The following DTX3 variants were observed in gnomAD, a reference collection of about 807,000 sequenced individuals.
DTX3 encodes deltex E3 ubiquitin ligase 3, also known as E3 ubiquitin-protein ligase DTX3.
A neutral mutation model predicts 27.4 loss-of-function variants in DTX3; 10 were observed. The observed-to-expected ratio is 0.36, with a 90% CI of 0.22 to 0.62. The LOEUF (loss-of-function observed/expected upper bound fraction) is 0.62, where lower values mean the gene tolerates loss of function less well. Among genes scored for constraint, DTX3 ranks in the 20% least tolerant of loss-of-function variants. The probability of loss-of-function intolerance (pLI) is 0.68; values close to 1 mark genes in which losing one functional copy is unlikely to be tolerated. For missense variants in DTX3, 319 were observed against 463.8 expected (o/e 0.69, Z 2.87); for synonymous variants, 171 against 190.7 (o/e 0.90, Z 0.85).
rs1380799304 is a variant in DTX3 at position 57,607,288 on chromosome 12, C to T, written c.425C>T (p.Pro142Leu). Residue 142 changes from proline to leucine, a missense_variant, in exon 5 of 7, where the codon CCT (proline) becomes CTT (leucine). Around this residue, in one of 2 missense-constraint regions of DTX3, gnomAD observed 202 missense variants for 205.3 expected, o/e 0.98. Coordinates refer to ENST00000337737, the MANE Select transcript of DTX3 (RefSeq NM_178502.4). This position sits in a 1 kb window ranked among gnomAD's most constrained non-coding sequence, Gnocchi z 7.7. ...PPGARGLPPP[P>L]PPLPPPLPPR... ...GGAGCTCGGGGGCTCCCCCCTCCTC[C>T]TCCCCCCCTGCCCCCACCTCTTCCT... The T allele has an allele frequency of 8.9e-6, 14 of 1,569,012 alleles. No individual in the cohort carries two copies. The highest frequency in any genetic ancestry group is 2.3e-5 in the East Asian group (1 of 42,624).
rs772737521 is a variant in DTX3, at chr12:57,608,038, T to A, written c.750+425T>A. On this transcript the variant is annotated intron_variant, in intron 5 of 6. Coordinates refer to ENST00000337737, the MANE Select transcript of DTX3 (RefSeq NM_178502.4). The surrounding 1 kb of genome is among the most constrained non-coding windows in gnomAD (Gnocchi z 6.1). The stretch of plus-strand genomic sequence containing the variant: ...AACAGGAGTAGTCAAGGCCTATAGG[T>A]GTCTTCCTGCTGGACAAAGAGTAAT... Among the ~76,000 whole-genome samples the A allele has an allele frequency of 6.6e-6, 1 of 152,112 alleles. No homozygotes were observed. Among genetic ancestry groups the A allele is most frequent in the Non-Finnish European group, 1.5e-5 (1 of 68,028 alleles).
intron 1 of DTX3, 36 bp downstream of exon 1, chr12:57,604,894 G>T (rs1034756646): frequency 6.6e-6 from 1 of 151,486 alleles, no homozygotes; most frequent in Non-Finnish European, 1.5e-5. Context: ...CCCACCGCGC[G>T]CCCCCCGGGC....
At position 57,607,052 on chromosome 12, in the gene DTX3, C is replaced by T. The variant is rs1249172060; in HGVS notation, c.189C>T (p.Ser63=). The T allele has an allele frequency of 6.2e-7, 1 of 1,614,208 alleles. No homozygotes were observed. The highest frequency in any genetic ancestry group is 8.5e-7 in the Non-Finnish European group (1 of 1,180,032). The change falls in exon 5 of 7, where the codon TCC becomes TCT. Residue 63 remains serine (S), a synonymous_variant. Transcript: ENST00000337737. This position sits in a 1 kb window ranked among gnomAD's most constrained non-coding sequence, Gnocchi z 7.7. ...CTGACATCTATGTTCTCCAGCTTTC[C>T]CCACAGGGTCCTCCCCCGGCCCCTC... ...ETSDIYVLQL[S]PQGPPPAPPN...
rs1883857988 is a variant in DTX3 at position 57,608,641 on chromosome 12, C to T, written c.872C>T (p.Thr291Ile). Residue 291 changes from threonine to isoleucine, a missense_variant, in exon 6 of 7, where the codon ACC becomes ATC. This residue lies in a region of DTX3 where 117 missense variants were observed against 258.5 expected (regional missense o/e 0.45). Coordinates refer to ENST00000337737, the MANE Select transcript of DTX3 (RefSeq NM_178502.4). The surrounding 1 kb of genome is among the most constrained non-coding windows in gnomAD (Gnocchi z 6.1). Reference protein sequence around the residue: ...LFRKAFDQRLTFTIGTSMTTG... With the variant: ...LFRKAFDQRLIFTIGTSMTTG... Reference sequence around the variant, plus strand: ...CGCAAGGCGTTTGACCAGCGTCTCACCTTCACTATCGGCACGTCCATGACC... The same window carrying T: ...CGCAAGGCGTTTGACCAGCGTCTCATCTTCACTATCGGCACGTCCATGACC... 9 of 1,614,222 alleles carry T rather than the reference C, an allele frequency of 5.6e-6. No homozygotes were observed. The highest frequency in any genetic ancestry group is 1.6e-4 in the Middle Eastern group (1 of 6,062).
chr12:57,605,806 G>A (rs1883692813), intron 2 of DTX3, 75 bp downstream of exon 2: 1 of 152,330 alleles, frequency 6.6e-6, no homozygotes, highest in Non-Finnish European at 1.5e-5. Flanking sequence ...CAGCAGAAGG[G>A]ACTGAGTTAG....
In DTX3 at chr12:57,607,184, T is replaced by C; in HGVS notation, c.321T>C (p.Ala107=). 6.2e-7 allele frequency: 1 copy of C among 1,613,610 alleles called. No homozygotes were observed. Among genetic ancestry groups the C allele is most frequent in the Non-Finnish European group, 8.5e-7 (1 of 1,180,000 alleles). ...QRQGELMGCL[A]LGGGGEHPEM... is the part of the protein sequence containing the mutation. ...AGGGGGAGCTGATGGGCTGCCTGGC[T>C]CTGGGGGGTGGAGGGGAGCACCCTG... The change falls in exon 5 of 7, where the codon GCT becomes GCC. Residue 107 remains alanine, a synonymous_variant. Coordinates refer to ENST00000337737, the MANE Select transcript of DTX3 (RefSeq NM_178502.4). This position sits in a 1 kb window ranked among gnomAD's most constrained non-coding sequence, Gnocchi z 7.7.
chr12:57,607,625 A>ATT lies in DTX3; in HGVS notation c.750+13_750+14insTT, dbSNP rs1426212663. 22 of 1,613,918 alleles carry ATT rather than the reference A, an allele frequency of 1.4e-5. No homozygotes were observed. The highest frequency in any genetic ancestry group is 1.9e-5 in the Non-Finnish European group (22 of 1,180,008). ...CCGGTGTCCAGGGGGTAAGAAGACC[A>ATT]TGGCCTGCCCTTACCCTTTGGCTTT... On this transcript the variant is annotated intron_variant, in intron 5 of 6. Coordinates refer to ENST00000337737, the MANE Select transcript of DTX3 (RefSeq NM_178502.4). The surrounding 1 kb of genome is among the most constrained non-coding windows in gnomAD (Gnocchi z 7.7).
In DTX3 at chr12:57,607,283, T is replaced by G; in HGVS notation, c.420T>G (p.Pro140=). 2.4e-6 allele frequency: 1 copy of G among 415,178 alleles called. No homozygotes were observed. The highest frequency in any genetic ancestry group is 3.7e-6 in the Non-Finnish European group (1 of 271,518). 25.7% of individuals were successfully genotyped at this position (415,178 alleles called of 1,614,324 possible). Reference sequence around the variant, plus strand: ...CCCCAGGAGCTCGGGGGCTCCCCCCTCCTCCTCCCCCCCTGCCCCCACCTC... The same window carrying G: ...CCCCAGGAGCTCGGGGGCTCCCCCCGCCTCCTCCCCCCCTGCCCCCACCTC... ...LLPPGARGLP[P]PPPPLPPPLP... Residue 140 remains proline (P), a synonymous_variant, in exon 5 of 7, where the codon CCT becomes CCG. Coordinates refer to ENST00000337737, the MANE Select transcript of DTX3 (RefSeq NM_178502.4). This position sits in a 1 kb window ranked among gnomAD's most constrained non-coding sequence, Gnocchi z 7.7.
Position 57,608,486 on chromosome 12 carries a change from G to T in DTX3, c.751-34G>T, listed in dbSNP as rs898853510. 1 of 1,559,794 alleles carries T rather than the reference G, an allele frequency of 6.4e-7. No homozygotes were observed. On this transcript the variant is annotated intron_variant, in intron 5 of 6. Coordinates refer to ENST00000337737, the MANE Select transcript of DTX3 (RefSeq NM_178502.4). The surrounding 1 kb of genome is among the most constrained non-coding windows in gnomAD (Gnocchi z 6.1). ...CATCTGGGCCTTAGGATGCCTGGCTGCTCACTGCCCACTCTGCTTCACCTT... is the reference window on the plus strand; with the variant it reads ...CATCTGGGCCTTAGGATGCCTGGCTTCTCACTGCCCACTCTGCTTCACCTT...
chr12:57,606,581 G>A lies in DTX3; in HGVS notation c.1+63G>A. 8.8e-6 allele frequency: 14 copies of A among 1,596,368 alleles called. No homozygotes were observed. In the South Asian group the frequency reaches 1.6e-4, roughly 18 times the overall value. ...TTAAACAGCCCATTTTTCCCCAAGA[G>A]GTGGGAGGGGCAAGTTGTTTCTATG... On this transcript the variant is annotated intron_variant, in intron 4 of 6. Coordinates refer to ENST00000337737, the MANE Select transcript of DTX3 (RefSeq NM_178502.4).
rs1420133083 is a variant in DTX3 at position 57,605,166 on chromosome 12, G to C, written c.-300+308G>C. Reference sequence around the variant, plus strand: ...GGTCGGGTCTTGGAGGAGGCCGTGGGGGGAGGGCGGGAGCTGCTTCAGTGG... The same window carrying C: ...GGTCGGGTCTTGGAGGAGGCCGTGGCGGGAGGGCGGGAGCTGCTTCAGTGG... On this transcript the variant is annotated intron_variant, in intron 1 of 6. Coordinates refer to ENST00000337737, the MANE Select transcript of DTX3 (RefSeq NM_178502.4). 4 of 152,492 alleles carry C rather than the reference G, an allele frequency of 2.6e-5. No individual in the cohort carries two copies. The East Asian group carries it at 7.7e-4, about 29-fold the overall frequency. The allele number at this position is 152,492 out of a possible 1,614,324, so 9.4% of individuals were successfully genotyped here. A position where few individuals can be genotyped will look rare whatever the true frequency, so the allele number is the denominator to read the frequency against.
In DTX3 at chr12:57,607,632, G is replaced by C. The variant is rs2140209979; in HGVS notation, c.750+19G>C. 6.2e-7 allele frequency: 1 copy of C among 1,613,894 alleles called. No individual in the cohort carries two copies. Among genetic ancestry groups the C allele is most frequent in the African/African-American group, 1.3e-5 (1 of 75,016 alleles). ...CCAGGGGGTAAGAAGACCATGGCCT[G>C]CCCTTACCCTTTGGCTTTCCCCAAG... On this transcript the variant is annotated intron_variant, in intron 5 of 6. Transcript: ENST00000337737. This position sits in a 1 kb window ranked among gnomAD's most constrained non-coding sequence, Gnocchi z 7.7.
intron 3 of DTX3, 58 bp from the exon 4 acceptor site, chr12:57,606,385 G>T (rs1325899702): frequency 3.6e-6 from 5 of 1,378,680 alleles, no homozygotes; most frequent in Admixed American, 2.1e-5. Flanking sequence ...TGGGTTGGGG[G>T]CCATGGGAAT....
In DTX3 at chr12:57,607,761, G is replaced by A; in HGVS notation, c.750+148G>A. 5.7e-6 allele frequency: 6 copies of A among 1,051,562 alleles called. No homozygotes were observed. The highest frequency in any genetic ancestry group is 8.3e-6 in the Non-Finnish European group (6 of 718,608). 65.1% of individuals were successfully genotyped at this position (1,051,562 alleles called of 1,614,324 possible). On this transcript the variant is annotated intron_variant, in intron 5 of 6. Transcript: ENST00000337737. This position sits in a 1 kb window ranked among gnomAD's most constrained non-coding sequence, Gnocchi z 7.7. ...CCTACTCAGTGCCCTGGACCTAGGAGGTCCCCGTGAGGCCCAGCCTTTCCA... is the reference window on the plus strand; with the variant it reads ...CCTACTCAGTGCCCTGGACCTAGGAAGTCCCCGTGAGGCCCAGCCTTTCCA...
chr12:57,608,579 G>A lies in DTX3; in HGVS notation c.810G>A (p.Pro270=), dbSNP rs368303983. Residue 270 remains proline, a synonymous_variant, in exon 6 of 7, where the codon CCG becomes CCA. Coordinates refer to ENST00000337737, the MANE Select transcript of DTX3 (RefSeq NM_178502.4). This position sits in a 1 kb window ranked among gnomAD's most constrained non-coding sequence, Gnocchi z 6.1. The part of the protein sequence containing the change: ...YPGTTRVAYL[P]DCPEGNKVLT... ...GCACCACACGGGTGGCCTACCTCCC[G>A]GACTGCCCTGAGGGCAACAAGGTGC... 8.4e-5 allele frequency: 135 copies of A among 1,613,802 alleles called. No homozygotes were observed. Among genetic ancestry groups the A allele is most frequent in the South Asian group, 7.8e-4 (71 of 91,070 alleles).
intron 4 of DTX3, 77 bp downstream of exon 4, chr12:57,606,595 G>A (rs703834): frequency 0.98 from 1,551,794 of 1,575,954 alleles, 766,682 homozygotes; most frequent in East Asian, 1. Context: ...GGAGGGGCAA[G>A]TTGTTTCTAT....
chr12:57,607,775 C>G lies in DTX3; in HGVS notation c.750+162C>G, dbSNP rs1412938588. Among the ~76,000 whole-genome samples the G allele has an allele frequency of 6.6e-6, 1 of 152,080 alleles. No homozygotes were observed. The highest frequency in any genetic ancestry group is 1.9e-4 in the East Asian group (1 of 5,202). Reference sequence around the variant, plus strand: ...TGGACCTAGGAGGTCCCCGTGAGGCCCAGCCTTTCCATCCCTGTGATCCCA... The same window carrying G: ...TGGACCTAGGAGGTCCCCGTGAGGCGCAGCCTTTCCATCCCTGTGATCCCA... On this transcript the variant is annotated intron_variant, in intron 5 of 6. Coordinates refer to ENST00000337737, the MANE Select transcript of DTX3 (RefSeq NM_178502.4). This position sits in a 1 kb window ranked among gnomAD's most constrained non-coding sequence, Gnocchi z 7.7.
At position 57,609,266 on chromosome 12, in the gene DTX3, G is replaced by T; in HGVS notation, c.*114G>T. 1.1e-6 allele frequency: 1 copy of T among 948,078 alleles called. No homozygotes were observed. The highest frequency in any genetic ancestry group is 1.6e-5 in the African/African-American group (1 of 61,588). The allele number at this position is 948,078 out of a possible 1,614,324, so 58.7% of individuals were successfully genotyped here. A position where few individuals can be genotyped will look rare whatever the true frequency, so the allele number is the denominator to read the frequency against. ...CACCACACCTGTAGGGGACCTGTCTGACTGGGAAGGGAGTTCCGAGAGGGA... is the reference window on the plus strand; with the variant it reads ...CACCACACCTGTAGGGGACCTGTCTTACTGGGAAGGGAGTTCCGAGAGGGA... On this transcript the variant is annotated 3_prime_UTR_variant, in exon 7 of 7. Coordinates refer to ENST00000337737, the MANE Select transcript of DTX3 (RefSeq NM_178502.4).
Position 57,609,463 on chromosome 12 carries a change from C to CCTG in DTX3, c.*311_*312insCTG. On this transcript the variant is annotated 3_prime_UTR_variant, in exon 7 of 7. Coordinates refer to ENST00000337737, the MANE Select transcript of DTX3 (RefSeq NM_178502.4). Reference sequence around the variant, plus strand: ...TTGGCTTTTTCTGGTATGTGCTGTGCTCCACGACCAAGCCGAGAAAGGACC... The same window carrying CCTG: ...TTGGCTTTTTCTGGTATGTGCTGTGCCTGTCCACGACCAAGCCGAGAAAGGACC... 1 of 319,424 alleles carries CCTG rather than the reference C, an allele frequency of 3.1e-6. No individual in the cohort carries two copies. Among genetic ancestry groups the CCTG allele is most frequent in the Non-Finnish European group, 5.9e-6 (1 of 168,854 alleles). The allele number at this position is 319,424 out of a possible 1,614,324, so 19.8% of individuals were successfully genotyped here.
Sources: gnomAD v4.1 joint callset for allele counts (sites outside exome capture counted in the v4.1 genomes callset) on GRCh38, gnomAD v4.1.1 for gene constraint, gnomAD v4.1.1 regional missense constraint, Gnocchi (gnomAD v3.1) non-coding constraint, MANE v1.5 for transcripts, NCBI Gene and HGNC (gene_info 2026-07-23, HGNC 2026-07-21) for gene names.